The following TSGA10 variants were observed in gnomAD, a reference collection of about 807,000 sequenced individuals.
TSGA10 encodes testis specific 10.
TSGA10 carries 43 observed loss-of-function variants against 96.6 expected under a neutral mutation model. The observed-to-expected ratio is 0.44, with a 90% CI of 0.35 to 0.57. TSGA10 has a LOEUF of 0.57. TSGA10 is among the 20% of genes least tolerant of loss of function. The pLI is 0.01. For missense variants in TSGA10, 703 were observed against 834.4 expected, an observed-to-expected ratio of 0.84 and a Z score of 1.94; for synonymous variants, 229 against 269.9, an observed-to-expected ratio of 0.85 and a Z score of 1.48.
At chr2:99,082,514 A>C (rs1384962207) in intron 10 of TSGA10, among the ~76,000 whole-genome samples, 1 of 152,134 alleles carries the variant, frequency 6.6e-6, no homozygotes, top group Admixed American at 6.5e-5. Context: ...CGTTTTCTCT[A>C]ACTCGCTTGG....
chr2:99,067,919 C>T (rs1032600710), intron 15 of TSGA10, among the ~76,000 whole-genome samples: 1 of 151,974 alleles, frequency 6.6e-6, no homozygotes, highest in African/African-American at 2.4e-5. Context: ...TCAGATGGCT[C>T]ACTGTGCTAG....
intron 15 of TSGA10, among the ~76,000 whole-genome samples, chr2:99,066,449 T>C (rs2085275801): frequency 6.6e-6 from 1 of 152,180 alleles, no homozygotes; most frequent in Non-Finnish European, 1.5e-5. Flanking sequence ...GTACTTACTG[T>C]CTATGTCATT....
chr2:99,127,851 T>C (rs1559102828), intron 1 of TSGA10, among the ~76,000 whole-genome samples: 1 of 152,178 alleles, frequency 6.6e-6, no homozygotes, highest in East Asian at 1.9e-4. Context: ...ACATGACAAA[T>C]GCACATAGCT....
At chr2:99,021,288 G>A (rs1346076717) in intron 17 of TSGA10, among the ~76,000 whole-genome samples, 2 of 151,694 alleles carry the variant, frequency 1.3e-5, no homozygotes, top group South Asian at 2.1e-4. Context: ...GCAAAAAAAA[G>A]TTTCATCACA....
At chr2:99,121,747 C>T (rs1389557616) in intron 2 of TSGA10, among the ~76,000 whole-genome samples, 4 of 152,196 alleles carry the variant, frequency 2.6e-5, no homozygotes, top group South Asian at 2.1e-4. Flanking sequence ...ATTATAGCCA[C>T]GAGCCACCAC....
intron 12 of TSGA10, among the ~76,000 whole-genome samples, chr2:99,077,127 CTTTTTTTTTTTTTTT>C (rs35876721): frequency 7.1e-5 from 5 of 70,458 alleles, no homozygotes; most frequent in East Asian, 3.7e-4. Flanking sequence ...GACCATTCAC[CTTTTTTTTTTTTTTT>C]TTTTTTTTTT....
At chr2:99,100,896 T>C (rs80237005) in intron 10 of TSGA10, among the ~76,000 whole-genome samples, 7,106 of 140,940 alleles carry the variant, frequency 0.05, 354 homozygotes, top group East Asian at 0.2. Flanking sequence ...CATACCTTCA[T>C]GATCTTAAGG....
chr2:99,026,355 T>G (rs6704766), intron 17 of TSGA10, among the ~76,000 whole-genome samples: 2 of 152,006 alleles, frequency 1.3e-5, no homozygotes, highest in Admixed American at 1.3e-4. Flanking sequence ...TTTTAAATGT[T>G]ATAGCTTTTA....
In TSGA10 at chr2:99,071,779, C is replaced by G. The variant is rs1439499281; in HGVS notation, c.1034G>C (p.Arg345Thr). Reference sequence around the variant, plus strand: ...GTCATGAGCCAAGATATCTCTTTCCCTGGCGATCTGGGCCAGCTCATCATT... The same window carrying G: ...GTCATGAGCCAAGATATCTCTTTCCGTGGCGATCTGGGCCAGCTCATCATT... ...ETNDELAQIA[R>T]ERDILAHDND... Residue 345 changes from arginine to threonine, a missense_variant, in exon 14 of 21, where the codon AGG becomes ACG. By Grantham distance (71) the Arg-to-Thr change is moderately conservative (BLOSUM62 -1). Around this residue, in one of 3 missense-constraint regions of TSGA10, gnomAD observed 585 missense variants for 656.8 expected, o/e 0.89. Coordinates refer to ENST00000393483, the MANE Select transcript of TSGA10 (RefSeq NM_025244.4). The G allele has an allele frequency of 1.2e-6, 2 of 1,614,014 alleles. No individual in the cohort carries two copies. The highest frequency in any genetic ancestry group is 1.7e-6 in the Non-Finnish European group (2 of 1,179,916).
intron 1 of TSGA10, among the ~76,000 whole-genome samples, chr2:99,146,208 A>G (rs1358326003): frequency 6.6e-6 from 1 of 152,252 alleles, no homozygotes; most frequent in South Asian, 2.1e-4. Flanking sequence ...ATGTGAACCC[A>G]GAAAGGCGGA....
chr2:99,035,437 G>A lies in TSGA10; in HGVS notation c.1407C>T (p.His469=), dbSNP rs1403797436. 3 of 1,602,072 alleles carry A rather than the reference G, an allele frequency of 1.9e-6. No individual in the cohort carries two copies. Reference sequence around the variant, plus strand: ...ACTTGTAAGACCTTTCTGCATTTAAGTGCTGTAAGAATAAAATTATATATA... The same window carrying A: ...ACTTGTAAGACCTTTCTGCATTTAAATGCTGTAAGAATAAAATTATATATA... ...VDSLNREVEQ[H]LNAERSYKSQ... The change falls in exon 17 of 21, where the codon CAC becomes CAT. Residue 469 remains histidine, a splice_region_variant and synonymous_variant. Coordinates refer to ENST00000393483, the MANE Select transcript of TSGA10 (RefSeq NM_025244.4).
intron 20 of TSGA10, 85 bp from the exon 21 acceptor site, chr2:98,998,306 A>C: frequency 9.2e-7 from 1 of 1,090,560 alleles, no homozygotes; most frequent in Non-Finnish European, 1.3e-6. Context: ...TAAGTGTATC[A>C]CTTCAGCAAA....
chr2:99,032,486 C>A (rs2081231470), intron 17 of TSGA10, among the ~76,000 whole-genome samples: 1 of 152,154 alleles, frequency 6.6e-6, no homozygotes, highest in South Asian at 2.1e-4. Context: ...AACCATGAAA[C>A]CTTCAAAACT....
chr2:99,035,263 T>C lies in TSGA10; in HGVS notation c.1581A>G (p.Arg527=). The C allele has an allele frequency of 6.2e-7, 1 of 1,611,148 alleles. No individual in the cohort carries two copies. The part of the protein sequence containing the change: ...KLDSSKELLN[R]QLVAKDQEIE... ...TTTCTTGATCTTTAGCAACCAGCTG[T>C]CGATTAAGAAGTTCTTTGCTTGAGT... The change falls in exon 17 of 21, where the codon CGA becomes CGG. Residue 527 remains arginine, a synonymous_variant. Coordinates refer to ENST00000393483, the MANE Select transcript of TSGA10 (RefSeq NM_025244.4).
chr2:99,013,254 T>G (rs1291343683), intron 20 of TSGA10, among the ~76,000 whole-genome samples: 2 of 152,164 alleles, frequency 1.3e-5, no homozygotes, highest in African/African-American at 4.8e-5. Context: ...AAAGAAGTTT[T>G]TAATTTCCAT....
chr2:99,090,276 C>A (rs1574237783), intron 10 of TSGA10, among the ~76,000 whole-genome samples: 1 of 152,144 alleles, frequency 6.6e-6, no homozygotes, highest in East Asian at 1.9e-4. Context: ...AGCCCCTGAG[C>A]CCCAGATCTT....
chr2:99,042,458 T>C (rs1241918153), intron 16 of TSGA10, among the ~76,000 whole-genome samples: 1 of 152,116 alleles, frequency 6.6e-6, no homozygotes, highest in African/African-American at 2.4e-5. Flanking sequence ...TCTGGGGCTC[T>C]GACCAGACGA....
rs373566649 is a variant in TSGA10, at chr2:99,052,969, G to C, written c.1404+11970C>G. Among the ~76,000 whole-genome samples the C allele has an allele frequency of 3.3e-5, 5 of 151,988 alleles. No individual in the cohort carries two copies. In the East Asian group the frequency reaches 9.7e-4, roughly 29 times the overall value. ...CTCAGCTACTTGGGAGGCTGAGGTA[G>C]GGGAATAGTTTGAGCCCGAGAGACA... is the stretch of plus-strand genomic sequence containing the variant. On this transcript the variant is annotated intron_variant, in intron 16 of 20. Coordinates refer to ENST00000393483, the MANE Select transcript of TSGA10 (RefSeq NM_025244.4).
At chr2:99,119,371 T>A (rs147359122) in intron 2 of TSGA10, among the ~76,000 whole-genome samples, 1 of 152,304 alleles carries the variant, frequency 6.6e-6, no homozygotes, top group East Asian at 1.9e-4. Flanking sequence ...GTCATTCCTA[T>A]AACCTTATGT....
Sources: allele counts gnomAD v4.1 joint callset (sites outside exome capture counted in the v4.1 genomes callset), GRCh38; gene constraint gnomAD v4.1.1; regional missense constraint gnomAD v4.1.1; transcripts MANE v1.5; gene names NCBI Gene and HGNC (gene_info 2026-07-23, HGNC 2026-07-21).